NPAS3: variants seen among roughly 807,000 people sequenced by gnomAD.
NPAS3 encodes neuronal PAS domain-containing protein 3.
Under a neutral mutation model 73.1 loss-of-function variants are expected in NPAS3, and 14 were observed. That is an observed-to-expected ratio of 0.19 (90% confidence interval 0.13 to 0.30). NPAS3 has a LOEUF of 0.30. Among genes scored for constraint, NPAS3 ranks in the 10% least tolerant of loss-of-function variants. The probability of loss-of-function intolerance (pLI) is 1.00; values close to 1 mark genes in which losing one functional copy is unlikely to be tolerated. For missense variants in NPAS3, 1,096 were observed against 1,250.0 expected (o/e 0.88, Z 1.86); for synonymous variants, 620 against 541.5 (o/e 1.14, Z -2.01).
intron 2 of NPAS3, among the ~76,000 whole-genome samples, chr14:33,172,793 C>T (rs1451710435): frequency 2.0e-5 from 3 of 151,680 alleles, no homozygotes; most frequent in Non-Finnish European, 4.4e-5. Flanking sequence ...AAATGAAGTT[C>T]ATCTTATATC....
intron 3 of NPAS3, among the ~76,000 whole-genome samples, chr14:33,342,831 A>T (rs1319998322): frequency 1.3e-5 from 2 of 151,998 alleles, no homozygotes. Flanking sequence ...AATGAGAATG[A>T]TATGATTTTT....
At chr14:33,450,642 G>A (rs1246143310) in intron 4 of NPAS3, among the ~76,000 whole-genome samples, 1 of 152,136 alleles carries the variant, frequency 6.6e-6, no homozygotes, top group African/African-American at 2.4e-5. Flanking sequence ...CTTGTAGTTT[G>A]AGTTGTACTG....
At chr14:33,517,459 G>A (rs1347512826) in intron 4 of NPAS3, among the ~76,000 whole-genome samples, 2 of 152,090 alleles carry the variant, frequency 1.3e-5, no homozygotes, top group African/African-American at 2.4e-5. Flanking sequence ...CTAGGAGTTT[G>A]AGGGAATTGC....
At chr14:33,346,606 A>T in intron 3 of NPAS3, among the ~76,000 whole-genome samples, 1 of 152,052 alleles carries the variant, frequency 6.6e-6, no homozygotes, top group East Asian at 1.9e-4. Flanking sequence ...CCTCAAGAAA[A>T]TTAGGATGTA....
At chr14:33,589,166 T>G (rs1414397309) in intron 5 of NPAS3, among the ~76,000 whole-genome samples, 2 of 152,216 alleles carry the variant, frequency 1.3e-5, no homozygotes, top group African/African-American at 4.8e-5. Flanking sequence ...GGCTTATAAC[T>G]AAAGGAAACT....
chr14:33,095,747 C>A (rs1311114436), intron 2 of NPAS3, among the ~76,000 whole-genome samples: 3 of 147,574 alleles, frequency 2.0e-5, no homozygotes, highest in Non-Finnish European at 4.4e-5. Flanking sequence ...GGACTCACTG[C>A]AAGCTCCGCC....
At chr14:33,514,964 G>T (rs761529408) in intron 4 of NPAS3, among the ~76,000 whole-genome samples, 2 of 152,042 alleles carry the variant, frequency 1.3e-5, no homozygotes, top group Non-Finnish European at 2.9e-5. Flanking sequence ...GACTAAAAGG[G>T]ACTTCGTATT....
chr14:33,721,417 T>C (rs189688899), intron 6 of NPAS3, among the ~76,000 whole-genome samples: 13 of 152,318 alleles, frequency 8.5e-5, no homozygotes, highest in South Asian at 2.1e-4. Flanking sequence ...GGCTAGTTGG[T>C]CAATTATATT....
At chr14:33,561,319 TAGAG>T (rs745353180) in intron 5 of NPAS3, among the ~76,000 whole-genome samples, 1 of 152,036 alleles carries the variant, frequency 6.6e-6, no homozygotes, top group South Asian at 2.1e-4. Context: ...TGGAAAATAA[TAGAG>T]AGAGAGATTT....
At position 33,612,546 on chromosome 14, in the gene NPAS3, ATAT is replaced by A. The variant is rs547774898; in HGVS notation, c.558+52341_558+52343del. 124 of 455,696 alleles carry A rather than the reference ATAT, an allele frequency of 2.7e-4. 1 individual carries two copies. The highest frequency in any genetic ancestry group is 1.8e-3 in the South Asian group (119 of 64,520). The allele number at this position is 455,696 out of a possible 1,614,324, so 28.2% of individuals were successfully genotyped here. A position where few individuals can be genotyped will look rare whatever the true frequency, so the allele number is the denominator to read the frequency against. ...AGTTTAGTTCCTCTGGCTTTAAAAG[ATAT>A]TATTGCTGAAAAATAAACTCTGTAT... On this transcript the variant is annotated intron_variant, in intron 5 of 11. Coordinates refer to ENST00000356141, the Ensembl canonical transcript of NPAS3.
intron 2 of NPAS3, among the ~76,000 whole-genome samples, chr14:33,105,847 G>A (rs547421682): frequency 6.6e-6 from 1 of 152,216 alleles, no homozygotes; most frequent in East Asian, 1.9e-4. Context: ...AAGATTGATG[G>A]GTTGACATGG....
chr14:33,091,940 C>G (rs2042240327), intron 2 of NPAS3, among the ~76,000 whole-genome samples: 1 of 152,168 alleles, frequency 6.6e-6, no homozygotes, highest in Non-Finnish European at 1.5e-5. Context: ...GCTAAAAACT[C>G]TTAATAAATT....
chr14:33,000,190 G>A (rs950503681), intron 1 of NPAS3, among the ~76,000 whole-genome samples: 1 of 138,712 alleles, frequency 7.2e-6, no homozygotes, highest in African/African-American at 3.1e-5. Context: ...TTTTTATTTT[G>A]CCAGTTGTTG....
At chr14:33,045,648 A>G (rs1200578763) in intron 1 of NPAS3, among the ~76,000 whole-genome samples, 1 of 152,196 alleles carries the variant, frequency 6.6e-6, no homozygotes, top group Non-Finnish European at 1.5e-5. Flanking sequence ...TGTTAAGCTT[A>G]GTTCAACTGG....
At position 33,108,015 on chromosome 14, in the gene NPAS3, G is replaced by A. The variant is rs540377607; in HGVS notation, c.140+52021G>A. On this transcript the variant is annotated intron_variant, in intron 2 of 11. Coordinates refer to ENST00000356141, the Ensembl canonical transcript of NPAS3. Reference sequence around the variant, plus strand: ...GCAATGAAAGAGGACTGTCCTCCTCGCAGAACTAGAGAAGGGTGACAAGCC... The same window carrying A: ...GCAATGAAAGAGGACTGTCCTCCTCACAGAACTAGAGAAGGGTGACAAGCC... Among the ~76,000 whole-genome samples the A allele has an allele frequency of 5.9e-5, 9 of 152,148 alleles. No homozygotes were observed. In the South Asian group the frequency reaches 1.2e-3, roughly 21 times the overall value.
At chr14:33,194,636 A>G (rs138868647) in intron 2 of NPAS3, among the ~76,000 whole-genome samples, 1 of 152,316 alleles carries the variant, frequency 6.6e-6, no homozygotes, top group Non-Finnish European at 1.5e-5. Context: ...TTGTGGTTAT[A>G]ATAAGTATTA....
intron 3 of NPAS3, among the ~76,000 whole-genome samples, chr14:33,250,058 A>T (rs1354284324): frequency 6.6e-6 from 1 of 152,096 alleles, no homozygotes; most frequent in Non-Finnish European, 1.5e-5. Context: ...GAACCCAAAT[A>T]ATCAATAAGA....
intron 4 of NPAS3, among the ~76,000 whole-genome samples, chr14:33,384,492 A>G (rs1315154): frequency 0.69 from 104,541 of 151,732 alleles, 36,943 homozygotes; most frequent in African/African-American, 0.82. Flanking sequence ...CAGTTTGGGA[A>G]GCCGAGGTGG....
At chr14:33,257,785 CTG>C (rs1373597580) in intron 3 of NPAS3, among the ~76,000 whole-genome samples, 1 of 152,134 alleles carries the variant, frequency 6.6e-6, no homozygotes, top group Non-Finnish European at 1.5e-5. Context: ...CCAAGAATAA[CTG>C]TGCCTTTTTG....
Sources: allele counts gnomAD v4.1 joint callset (sites outside exome capture counted in the v4.1 genomes callset), GRCh38; gene constraint gnomAD v4.1.1; transcripts MANE v1.5; gene names NCBI Gene and HGNC (gene_info 2026-07-23, HGNC 2026-07-21).